CSMD1: variants seen among roughly 807,000 people sequenced by gnomAD.
The protein encoded by CSMD1 is CUB and sushi domain-containing protein 1.
CSMD1 carries 213 observed loss-of-function variants against 417.5 expected under a neutral mutation model. The ratio of observed to expected loss-of-function variants is 0.51; its 90% CI spans 0.46 to 0.57. The LOEUF (loss-of-function observed/expected upper bound fraction) is 0.57. Ranked by LOEUF, CSMD1 falls within the 20% of genes least tolerant of loss-of-function variation. The probability of loss-of-function intolerance (pLI) is 0.00; values close to 1 mark genes in which losing one functional copy is unlikely to be tolerated. For missense variants in CSMD1, 6,923 were observed against 4,529.7 expected, an observed-to-expected ratio of 1.53 and a Z score of -15.17; for synonymous variants, 2,862 against 1,736.8, an observed-to-expected ratio of 1.65 and a Z score of -16.11.
chr8:4,799,270 A>C (rs1390552166), intron 1 of CSMD1, among the ~76,000 whole-genome samples: 1 of 152,340 alleles, frequency 6.6e-6, no homozygotes, highest in East Asian at 1.9e-4. Flanking sequence ...AGTTCATAAA[A>C]GGAATGATCA....
In CSMD1 at chr8:4,823,616, AC is replaced by A. The variant is rs113800114; in HGVS notation, c.85+170715del. 4.4e-3 allele frequency among the ~76,000 whole-genome samples: 675 copies of A among 152,072 alleles called. 4 individuals are homozygous for A. The highest frequency in any genetic ancestry group is 0.016 in the African/African-American group (657 of 41,498). ...CATTTGCCCACTCAAACATACATCG[AC>A]CCCCTACTACACATAGCCTTTAGAA... On this transcript the variant is annotated intron_variant, in intron 1 of 69. Transcript: ENST00000635120.
intron 23 of CSMD1, among the ~76,000 whole-genome samples, chr8:3,308,705 A>ATCTTATTT (rs147981512): frequency 0.025 from 3,562 of 143,286 alleles, 147 homozygotes; most frequent in African/African-American, 0.085. Flanking sequence ...AAGTTCGGTC[A>ATCTTATTT]TCTTATTTGT....
In CSMD1 at chr8:4,053,915, T is replaced by C. The variant is rs992080612; in HGVS notation, c.416-21816A>G. ...ATCATAAATAATAATTAAGGGAAAATAAAAATGTATTTACTTAACACATAT... is the reference window on the plus strand; with the variant it reads ...ATCATAAATAATAATTAAGGGAAAACAAAAATGTATTTACTTAACACATAT... On this transcript the variant is annotated intron_variant, in intron 3 of 69. Transcript: ENST00000635120. Among the ~76,000 whole-genome samples, 7 of 152,140 alleles carry C rather than the reference T, an allele frequency of 4.6e-5. No homozygotes were observed. The South Asian group carries it at 1.2e-3, about 27-fold the overall frequency.
rs1362461508 is a variant in CSMD1, at chr8:4,845,996, A to C, written c.85+148336T>G. Among the ~76,000 whole-genome samples, 3 of 152,314 alleles carry C rather than the reference A, an allele frequency of 2.0e-5. No homozygotes were observed. In the East Asian group the frequency reaches 5.8e-4, roughly 29 times the overall value. ...TATAAATTTGCTGAGTCAGAACATT[A>C]TACTGGCCATCCACTTTCTCACTTC... On this transcript the variant is annotated intron_variant, in intron 1 of 69. Coordinates refer to ENST00000635120, the MANE Select transcript of CSMD1 (RefSeq NM_033225.6).
chr8:4,045,248 G>C (rs568039871), intron 3 of CSMD1, among the ~76,000 whole-genome samples: 5 of 152,334 alleles, frequency 3.3e-5, no homozygotes, highest in African/African-American at 1.2e-4. Flanking sequence ...CTTAGGAGCA[G>C]AAGTGAGACA....
Position 3,358,045 on chromosome 8 carries a change from C to G in CSMD1, c.3304+1107G>C, listed in dbSNP as rs533934776. Among the ~76,000 whole-genome samples, 8 of 152,120 alleles carry G rather than the reference C, an allele frequency of 5.3e-5. No individual in the cohort carries two copies. In the Middle Eastern group the frequency reaches 0.01, roughly 195 times the overall value. ...CCCTAAGCAACCCCAAAAATCTGCC[C>G]CAAAGGCAGAATCAAAGAGATTCTG... On this transcript the variant is annotated intron_variant, in intron 21 of 69. Coordinates refer to ENST00000635120, the MANE Select transcript of CSMD1 (RefSeq NM_033225.6).
intron 3 of CSMD1, among the ~76,000 whole-genome samples, chr8:4,130,243 T>A (rs957154027): frequency 5.3e-5 from 8 of 152,292 alleles, no homozygotes; most frequent in African/African-American, 1.7e-4. Flanking sequence ...GTATGTAAGT[T>A]TGGAGAGCCA....
chr8:4,253,787 C>G (rs1035705397), intron 3 of CSMD1, among the ~76,000 whole-genome samples: 1 of 151,524 alleles, frequency 6.6e-6, no homozygotes, highest in Non-Finnish European at 1.5e-5. Context: ...AAAATTTTGC[C>G]TGTATTTATG....
chr8:3,348,496 C>G (rs1808166085), intron 21 of CSMD1, among the ~76,000 whole-genome samples: 1 of 152,158 alleles, frequency 6.6e-6, no homozygotes, highest in South Asian at 2.1e-4. Flanking sequence ...GTCACAGCAC[C>G]TCTCCCACCC....
intron 3 of CSMD1, among the ~76,000 whole-genome samples, chr8:4,109,828 A>T (rs1267221788): frequency 6.6e-6 from 1 of 152,174 alleles, no homozygotes; most frequent in Non-Finnish European, 1.5e-5. Context: ...TAAATACTTA[A>T]AACAGAGTAA....
intron 6 of CSMD1, among the ~76,000 whole-genome samples, chr8:3,720,013 C>A (rs1200919445): frequency 2.6e-5 from 4 of 152,194 alleles, no homozygotes; most frequent in South Asian, 4.1e-4. Context: ...CAAATAGAAG[C>A]ACCTAGTGCA....
chr8:4,849,474 C>G (rs1801338511), intron 1 of CSMD1, among the ~76,000 whole-genome samples: 1 of 152,068 alleles, frequency 6.6e-6, no homozygotes, highest in East Asian at 1.9e-4. Context: ...ACAGTAATCT[C>G]CTAGATCTCA....
At chr8:3,933,556 C>A (rs1810294338) in intron 5 of CSMD1, among the ~76,000 whole-genome samples, 1 of 152,000 alleles carries the variant, frequency 6.6e-6, no homozygotes, top group South Asian at 2.1e-4. Flanking sequence ...AGAGTCCTGG[C>A]AAAACAGGAT....
At chr8:3,437,585 T>A (rs1814650677) in intron 12 of CSMD1, among the ~76,000 whole-genome samples, 1 of 152,184 alleles carries the variant, frequency 6.6e-6, no homozygotes, top group South Asian at 2.1e-4. Flanking sequence ...CCATCCTCAA[T>A]GAATGTTATT....
chr8:4,036,959 GTGTGTGTGT>G (rs1797650913), intron 3 of CSMD1, among the ~76,000 whole-genome samples: 5 of 9,804 alleles, frequency 5.1e-4, no homozygotes, highest in East Asian at 1.2e-3. Flanking sequence ...AGTGTGGGGT[GTGTGTGTGT>G]GTGTGTGTGT....
At chr8:4,784,415 C>T (rs1354815623) in intron 1 of CSMD1, among the ~76,000 whole-genome samples, 2 of 152,088 alleles carry the variant, frequency 1.3e-5, no homozygotes, top group African/African-American at 2.4e-5. Flanking sequence ...GAAGAACAAA[C>T]TCATATGGAT....
intron 3 of CSMD1, among the ~76,000 whole-genome samples, chr8:4,299,773 G>T (rs1176509606): frequency 1.3e-5 from 2 of 151,980 alleles, no homozygotes; most frequent in Non-Finnish European, 1.5e-5. Context: ...TGAGATTACA[G>T]GTACGTGCCA....
chr8:4,168,899 A>T (rs551199982), intron 3 of CSMD1, among the ~76,000 whole-genome samples: 1 of 152,272 alleles, frequency 6.6e-6, no homozygotes, highest in Admixed American at 6.5e-5. Context: ...CTGCTTATCC[A>T]ACCGCCAGTG....
At chr8:3,849,301 G>A (rs749539184) in intron 5 of CSMD1, among the ~76,000 whole-genome samples, 1 of 152,132 alleles carries the variant, frequency 6.6e-6, no homozygotes, top group Non-Finnish European at 1.5e-5. Flanking sequence ...ATACAGGGCG[G>A]ACTGGGAAGG....
Sources: gnomAD v4.1 joint callset for allele counts (sites outside exome capture counted in the v4.1 genomes callset) on GRCh38, gnomAD v4.1.1 for gene constraint, MANE v1.5 for transcripts, NCBI Gene and HGNC (gene_info 2026-07-23, HGNC 2026-07-21) for gene names.